Variants in PARN observed in about 807,000 individuals in gnomAD.
The protein encoded by PARN is poly(A)-specific ribonuclease.
Under a neutral mutation model 102.8 loss-of-function variants are expected in PARN, and 71 were observed. That is an observed-to-expected ratio of 0.69 (90% CI 0.57 to 0.84). PARN has a LOEUF of 0.84. PARN is among the 40% of genes least tolerant of loss of function. The pLI is 0.00. For missense variants in PARN, 782 were observed against 760.9 expected (o/e 1.03, Z -0.33); for synonymous variants, 261 against 252.9 (o/e 1.03, Z -0.30).
chr16:14,534,320 T>A (rs1169723584), intron 21 of PARN, among the ~76,000 whole-genome samples: 2 of 151,810 alleles, frequency 1.3e-5, no homozygotes, highest in Non-Finnish European at 2.9e-5. Context: ...TTCCTAATTA[T>A]TCTGTTGTTA....
At chr16:14,629,230 T>A (rs1195167931) in intron 2 of PARN, among the ~76,000 whole-genome samples, 1 of 152,336 alleles carries the variant, frequency 6.6e-6, no homozygotes, top group African/African-American at 2.4e-5. Context: ...ATGTACTTAA[T>A]GCCACTTAAC....
At chr16:14,592,546 CA>C (rs1378576425) in intron 13 of PARN, among the ~76,000 whole-genome samples, 1 of 152,186 alleles carries the variant, frequency 6.6e-6, no homozygotes, top group Non-Finnish European at 1.5e-5. Flanking sequence ...GTGCTTTGGT[CA>C]ACCAAGGCAA....
At chr16:14,621,806 C>CAAA (rs1346479153) in intron 5 of PARN, among the ~76,000 whole-genome samples, 1 of 58,314 alleles carries the variant, frequency 1.7e-5, no homozygotes, top group Non-Finnish European at 3.6e-5. Context: ...GGCTTCGTCT[C>CAAA]AAAAAAAAAA....
At chr16:14,496,490 G>T (rs552286309) in intron 21 of PARN, among the ~76,000 whole-genome samples, 2 of 152,230 alleles carry the variant, frequency 1.3e-5, no homozygotes, top group East Asian at 3.9e-4. Context: ...ATAGACTTGG[G>T]AAGCAATTCC....
chr16:14,520,368 T>C (rs1965674735), intron 21 of PARN, among the ~76,000 whole-genome samples: 1 of 152,174 alleles, frequency 6.6e-6, no homozygotes, highest in Non-Finnish European at 1.5e-5. Flanking sequence ...ATCAATAGTT[T>C]ATCATTTTAA....
In PARN at chr16:14,593,336, G is replaced by GC; in HGVS notation, c.882dup (p.His295AlafsTer16). ...GGGCAGTAGAACTGATGAACTGTGT[G>GC]CATGACGTCCAAGAGCATATTGTGT... On this transcript the variant is annotated frameshift_variant, in exon 13 of 24. Coordinates refer to ENST00000437198, the MANE Select transcript of PARN (RefSeq NM_002582.4). LOFTEE classifies it high-confidence loss of function. The GC allele has an allele frequency of 6.2e-7, 1 of 1,607,388 alleles. No individual in the cohort carries two copies. The highest frequency in any genetic ancestry group is 1.3e-5 in the African/African-American group (1 of 74,790).
intron 13 of PARN, among the ~76,000 whole-genome samples, chr16:14,589,181 A>AAAATAAAT (rs55852219): frequency 0.026 from 3,926 of 149,724 alleles, 58 homozygotes; most frequent in Admixed American, 0.042. Context: ...CTCTGTCTCA[A>AAAATAAAT]AAATAAATAA....
At position 14,438,449 on chromosome 16, in the gene PARN, G is replaced by A. The variant is rs188324999; in HGVS notation, c.1865-1677C>T. Among the ~76,000 whole-genome samples, 19 of 150,206 alleles carry A rather than the reference G, an allele frequency of 1.3e-4. 1 individual carries two copies. The highest frequency in any genetic ancestry group is 2.1e-4 in the South Asian group (1 of 4,698). ...CTGCACCTGCCATTAGTTGGGGGGG[G>A]GGGTGTGTGAGTGCACAGTGAGCCA... On this transcript the variant is annotated intron_variant, in intron 23 of 23. Coordinates refer to ENST00000437198, the MANE Select transcript of PARN (RefSeq NM_002582.4).
intron 22 of PARN, among the ~76,000 whole-genome samples, chr16:14,454,222 T>C (rs562532208): frequency 9.0e-4 from 137 of 152,288 alleles, no homozygotes; most frequent in African/African-American, 3.0e-3. Context: ...GGCTCATGCC[T>C]GTAATCCTAG....
At chr16:14,508,485 G>A (rs1965011869) in intron 21 of PARN, among the ~76,000 whole-genome samples, 1 of 152,084 alleles carries the variant, frequency 6.6e-6, no homozygotes, top group Non-Finnish European at 1.5e-5. Flanking sequence ...TTATTATAGT[G>A]ACCTGATTTA....
intron 5 of PARN, among the ~76,000 whole-genome samples, chr16:14,621,176 T>C (rs1972273358): frequency 6.6e-6 from 1 of 152,190 alleles, no homozygotes; most frequent in Admixed American, 6.5e-5. Context: ...ACTCAATGTA[T>C]TTTGATTGGT....
At position 14,446,997 on chromosome 16, in the gene PARN, C is replaced by T; in HGVS notation, c.1755G>A (p.Glu585=). 6.2e-7 allele frequency: 1 copy of T among 1,613,448 alleles called. No homozygotes were observed. Among genetic ancestry groups the T allele is most frequent in the Non-Finnish European group, 8.5e-7 (1 of 1,179,404 alleles). ...TCTGCTCAAGCTCAGTGTCGGAAAT[C>T]TCCCCTGACACTCCGTCCTCCAGGC... is the stretch of plus-strand genomic sequence containing the variant. ...EAGLEDGVSG[E]ISDTELEQTD... is the part of the protein sequence containing the mutation. The change falls in exon 23 of 24, where the codon GAG becomes GAA. Residue 585 remains glutamate, a synonymous_variant. Coordinates refer to ENST00000437198, the MANE Select transcript of PARN (RefSeq NM_002582.4).
intron 21 of PARN, among the ~76,000 whole-genome samples, chr16:14,513,088 C>T (rs1246856837): frequency 6.6e-6 from 1 of 152,056 alleles, no homozygotes; most frequent in South Asian, 2.1e-4. Flanking sequence ...CCACACCTGA[C>T]TAGTTTTTGT....
chr16:14,611,830 C>T (rs535994109), intron 6 of PARN, among the ~76,000 whole-genome samples: 6 of 152,234 alleles, frequency 3.9e-5, no homozygotes, highest in African/African-American at 1.4e-4. Context: ...CCACGGCCAC[C>T]GCGCACGGCC....
intron 2 of PARN, among the ~76,000 whole-genome samples, chr16:14,628,909 T>A (rs1182908151): frequency 6.6e-6 from 1 of 152,112 alleles, no homozygotes; most frequent in Non-Finnish European, 1.5e-5. Context: ...GGAAAAAAAA[T>A]TTGCAACTTT....
At chr16:14,610,861 A>C in intron 6 of PARN, 52 bp from the exon 7 acceptor site, 3 of 1,294,746 alleles carry the variant, frequency 2.3e-6, no homozygotes, top group Non-Finnish European at 3.3e-6. Context: ...GTCTAACATA[A>C]AATTTGTTTA....
chr16:14,623,428 C>T (rs1052348749), intron 5 of PARN, among the ~76,000 whole-genome samples: 1 of 151,794 alleles, frequency 6.6e-6, no homozygotes, highest in African/African-American at 2.4e-5. Context: ...GCAGGAGGAT[C>T]GCTTGAACCC....
chr16:14,586,114 G>C (rs1007263304), intron 14 of PARN, among the ~76,000 whole-genome samples: 7 of 151,576 alleles, frequency 4.6e-5, no homozygotes, highest in Non-Finnish European at 8.8e-5. Flanking sequence ...TGAGTAGCTG[G>C]ACCACACGTA....
At chr16:14,470,126 T>C (rs1175906308) in intron 22 of PARN, among the ~76,000 whole-genome samples, 1 of 152,160 alleles carries the variant, frequency 6.6e-6, no homozygotes, top group African/African-American at 2.4e-5. Flanking sequence ...TTATGAAACA[T>C]GAAAGCGTTC....
Sources: allele counts gnomAD v4.1 joint callset (sites outside exome capture counted in the v4.1 genomes callset), GRCh38; gene constraint gnomAD v4.1.1; transcripts MANE v1.5; gene names NCBI Gene and HGNC (gene_info 2026-07-23, HGNC 2026-07-21).